The following PLCZ1 variants were observed in gnomAD, a reference collection of about 807,000 sequenced individuals.
PLCZ1 encodes the protein 1-phosphatidylinositol 4,5-bisphosphate phosphodiesterase zeta-1.
Under a neutral mutation model 76.8 loss-of-function variants are expected in PLCZ1, and 64 were observed. The observed-to-expected ratio is 0.83, with a 90% CI of 0.68 to 1.03. The LOEUF is 1.03. Among genes scored for constraint, PLCZ1 ranks in the 50% least tolerant of loss-of-function variants. The pLI is 0.00. For synonymous variants in PLCZ1, 248 were observed against 230.8 expected (o/e 1.07, Z -0.68); for missense variants, 751 against 713.7 (o/e 1.05, Z -0.60).
At position 18,688,147 on chromosome 12, in the gene PLCZ1, T is replaced by C; in HGVS notation, c.1533A>G (p.Glu511=). Residue 511 remains glutamate, a synonymous_variant, in exon 13 of 15, where the codon GAA becomes GAG. Transcript: ENST00000266505. ...SNKGDSLVII[E]VFGVPNDQMK... is the part of the protein sequence containing the mutation. ...TTTGATCATTTGGAACACCAAAAAC[T>C]TCTATAATTACTAATGAATCACCTT... The C allele has an allele frequency of 1.2e-6, 2 of 1,611,738 alleles. No homozygotes were observed. Among genetic ancestry groups the C allele is most frequent in the Non-Finnish European group, 1.7e-6 (2 of 1,179,042 alleles).
the PLCZ1 span, among the ~76,000 whole-genome samples, chr12:18,650,734 A>C: frequency 1.4e-4 from 4 of 28,116 alleles, no homozygotes; most frequent in South Asian, 7.4e-4. Context: ...ATATATATAT[A>C]TATATATATA....
the PLCZ1 span, among the ~76,000 whole-genome samples, chr12:18,653,231 T>C: frequency 2.6e-5 from 4 of 152,192 alleles, no homozygotes; most frequent in East Asian, 7.7e-4. Context: ...CCAGAGGAAA[T>C]GGATTATTGA....
At chr12:18,700,629 G>C (rs1487497388) in intron 9 of PLCZ1, among the ~76,000 whole-genome samples, 2 of 150,502 alleles carry the variant, frequency 1.3e-5, no homozygotes, top group Non-Finnish European at 2.9e-5. Context: ...CCAACACAGA[G>C]AAAGTGGGAG....
chr12:18,724,893 A>G (rs1485012045), intron 3 of PLCZ1, among the ~76,000 whole-genome samples: 2 of 152,142 alleles, frequency 1.3e-5, no homozygotes. Context: ...ATAAAATAAA[A>G]TATACATTAT....
chr12:18,654,436 A>G, the PLCZ1 span, among the ~76,000 whole-genome samples: 1 of 152,146 alleles, frequency 6.6e-6, no homozygotes, highest in Non-Finnish European at 1.5e-5. Context: ...GAACAATCAA[A>G]TCACCTTTTC....
At chr12:18,659,746 C>T in the PLCZ1 span, among the ~76,000 whole-genome samples, 4 of 147,716 alleles carry the variant, frequency 2.7e-5, no homozygotes, top group South Asian at 4.3e-4. Context: ...AATATGTATA[C>T]ACGTGCCATA....
chr12:18,659,619 G>A, the PLCZ1 span, among the ~76,000 whole-genome samples: 1 of 149,088 alleles, frequency 6.7e-6, no homozygotes. Flanking sequence ...TCATTTACGT[G>A]TCAGGCCTCT....
chr12:18,695,002 A>G lies in PLCZ1; in HGVS notation c.1369T>C (p.Tyr457His). ...GKFLDNGGSGYILKPHFLRES... is the reference protein window; with the variant it reads ...GKFLDNGGSGHILKPHFLRES... ...CTTAAGAAATGTGGTTTCAAAATAT[A>G]TCCAGAACCACCATTATCCAAAAAT... The change falls in exon 12 of 15, where the codon TAT becomes CAT. Residue 457 changes from tyrosine (Y) to histidine (H), a missense_variant. By Grantham distance (83) the Tyr-to-His change is moderately conservative (BLOSUM62 2). Coordinates refer to ENST00000266505, the MANE Select transcript of PLCZ1 (RefSeq NM_033123.4). The G allele has an allele frequency of 3.1e-6, 5 of 1,611,328 alleles. No individual in the cohort carries two copies. Among genetic ancestry groups the G allele is most frequent in the African/African-American group, 1.3e-5 (1 of 74,916 alleles).
intron 6 of PLCZ1, among the ~76,000 whole-genome samples, chr12:18,712,429 A>G (rs140662649): frequency 1.3e-5 from 2 of 152,336 alleles, no homozygotes; most frequent in East Asian, 1.9e-4. Context: ...CTGTCATTAT[A>G]GTCATTAAAA....
chr12:18,723,269 C>A (rs1958551693), intron 4 of PLCZ1, 42 bp downstream of exon 4: 1 of 1,509,372 alleles, frequency 6.6e-7, no homozygotes, highest in African/African-American at 1.4e-5. Flanking sequence ...AAAAATACTT[C>A]ACATATAAAT....
chr12:18,664,235 A>G, the PLCZ1 span, among the ~76,000 whole-genome samples: 1 of 152,230 alleles, frequency 6.6e-6, no homozygotes, highest in Non-Finnish European at 1.5e-5. Flanking sequence ...AAACTTAAAC[A>G]TAGATTTACC....
chr12:18,715,252 A>C (rs1320133460), intron 5 of PLCZ1, among the ~76,000 whole-genome samples: 3 of 148,620 alleles, frequency 2.0e-5, no homozygotes, highest in African/African-American at 7.4e-5. Flanking sequence ...AATAATAGAG[A>C]TAAAAGTTGG....
chr12:18,716,322 C>T (rs531390429), intron 5 of PLCZ1, among the ~76,000 whole-genome samples: 9 of 152,048 alleles, frequency 5.9e-5, no homozygotes, highest in Non-Finnish European at 1.3e-4. Context: ...TGCTACTTCT[C>T]TAGATAGTTT....
At chr12:18,685,716 AG>A in intron 13 of PLCZ1, 5 of 496,530 alleles carry the variant, frequency 1.0e-5, no homozygotes, top group Non-Finnish European at 2.0e-5. Context: ...AATTCTTTAT[AG>A]ATACTGCAAA....
intron 12 of PLCZ1, among the ~76,000 whole-genome samples, chr12:18,690,704 G>T (rs574268264): frequency 5.9e-5 from 9 of 152,172 alleles, no homozygotes; most frequent in African/African-American, 2.2e-4. Context: ...CTTTCAAAAA[G>T]ACATGATTCC....
At chr12:18,715,045 C>A (rs1263069698) in intron 5 of PLCZ1, among the ~76,000 whole-genome samples, 1 of 151,262 alleles carries the variant, frequency 6.6e-6, no homozygotes, top group East Asian at 2.0e-4. Flanking sequence ...ATATGCAGTC[C>A]CTTTCTAGGG....
intron 6 of PLCZ1, among the ~76,000 whole-genome samples, chr12:18,707,009 C>T (rs1407465043): frequency 1.3e-5 from 2 of 152,160 alleles, no homozygotes; most frequent in African/African-American, 4.8e-5. Flanking sequence ...GGCTTGTGGC[C>T]ACATCTCTCT....
At chr12:18,710,269 T>A (rs919503644) in intron 6 of PLCZ1, among the ~76,000 whole-genome samples, 3 of 151,076 alleles carry the variant, frequency 2.0e-5, no homozygotes, top group Non-Finnish European at 2.9e-5. Context: ...CTATTTTTTT[T>A]AATTCATTTT....
rs569026263 is a variant in PLCZ1 at position 18,706,243 on chromosome 12, T to TA, written c.715-929dup. On this transcript the variant is annotated intron_variant, in intron 6 of 14. Coordinates refer to ENST00000266505, the MANE Select transcript of PLCZ1 (RefSeq NM_033123.4). ...TGAGACTCTGTCTCAAAAATAAAAATAAAAAAAAAAAAAGAAGAAGACAGA... is the reference window on the plus strand; with the variant it reads ...TGAGACTCTGTCTCAAAAATAAAAATAAAAAAAAAAAAAAGAAGAAGACAGA... Among the ~76,000 whole-genome samples, 324 of 120,686 alleles carry TA rather than the reference T, an allele frequency of 2.7e-3. 1 individual carries two copies. The highest frequency in any genetic ancestry group is 8.6e-3 in the Middle Eastern group (2 of 232). 79.2% of individuals were successfully genotyped at this position (120,686 alleles called of 152,430 possible).
Sources: gnomAD v4.1 joint callset for allele counts (sites outside exome capture counted in the v4.1 genomes callset) on GRCh38, gnomAD v4.1.1 for gene constraint, MANE v1.5 for transcripts, NCBI Gene and HGNC (gene_info 2026-07-23, HGNC 2026-07-21) for gene names.